Variants in PLCZ1 observed in about 807,000 individuals in gnomAD.
PLCZ1 encodes the protein 1-phosphatidylinositol 4,5-bisphosphate phosphodiesterase zeta-1.
PLCZ1 carries 64 observed loss-of-function variants against 76.8 expected under a neutral mutation model. The ratio of observed to expected loss-of-function variants is 0.83; its 90% CI spans 0.68 to 1.03. The LOEUF (loss-of-function observed/expected upper bound fraction) is 1.03. PLCZ1 is among the 50% of genes least tolerant of loss of function. The pLI is 0.00. For missense variants in PLCZ1, 751 were observed against 713.7 expected, an observed-to-expected ratio of 1.05 and a Z score of -0.60; for synonymous variants, 248 against 230.8, an observed-to-expected ratio of 1.07 and a Z score of -0.68.
chr12:18,650,347 ATG>A, the PLCZ1 span, among the ~76,000 whole-genome samples: 4,531 of 114,364 alleles, frequency 0.04, 112 homozygotes, highest in East Asian at 0.098. Context: ...ATATATATAT[ATG>A]TGTGTGTGTG....
chr12:18,665,719 G>A, the PLCZ1 span, among the ~76,000 whole-genome samples: 3 of 152,032 alleles, frequency 2.0e-5, no homozygotes, highest in Admixed American at 6.6e-5. Context: ...GGTGGATCAC[G>A]AGGTCAGGAG....
chr12:18,702,517 G>A (rs193089204), intron 7 of PLCZ1, among the ~76,000 whole-genome samples: 1 of 152,146 alleles, frequency 6.6e-6, no homozygotes, highest in African/African-American at 2.4e-5. Context: ...AGGGAGCTTT[G>A]ATTGTCCTTT....
intron 4 of PLCZ1, among the ~76,000 whole-genome samples, chr12:18,721,215 TA>T (rs1337356972): frequency 1.3e-5 from 2 of 152,140 alleles, no homozygotes; most frequent in Non-Finnish European, 2.9e-5. Context: ...TTTGTTCCCT[TA>T]AAAACTACCA....
chr12:18,728,671 CAG>C lies in PLCZ1; in HGVS notation c.136-5131_136-5130del, dbSNP rs140851477. Among the ~76,000 whole-genome samples the C allele has an allele frequency of 7.8e-3, 1,180 of 152,112 alleles. 16 individuals are homozygous for C. The highest frequency in any genetic ancestry group is 0.028 in the African/African-American group (1,142 of 41,490). On this transcript the variant is annotated intron_variant, in intron 3 of 14. Coordinates refer to ENST00000266505, the MANE Select transcript of PLCZ1 (RefSeq NM_033123.4). ...TATAAAAAGGGATAAGTGAAATGCACAGAGAGGCTAACCAGTGGATTTAGCAT... is the reference window on the plus strand; with the variant it reads ...TATAAAAAGGGATAAGTGAAATGCACAGAGGCTAACCAGTGGATTTAGCAT...
intron 3 of PLCZ1, among the ~76,000 whole-genome samples, chr12:18,723,773 G>C (rs1487156423): frequency 4.6e-5 from 7 of 152,046 alleles, no homozygotes; most frequent in Admixed American, 2.0e-4. Context: ...AAGGAATGTG[G>C]GAGAAAATGA....
chr12:18,650,724 A>ATATATC, the PLCZ1 span, among the ~76,000 whole-genome samples: 12 of 19,260 alleles, frequency 6.2e-4, 1 homozygote, highest in Middle Eastern at 0.019. Context: ...ATATATATAT[A>ATATATC]TATATATATA....
chr12:18,650,561 C>T, the PLCZ1 span, among the ~76,000 whole-genome samples: 1 of 148,626 alleles, frequency 6.7e-6, no homozygotes, highest in Non-Finnish European at 1.5e-5. Context: ...ACATGAAAGT[C>T]TATACATTTA....
intron 13 of PLCZ1, among the ~76,000 whole-genome samples, chr12:18,685,846 GCACA>G (rs3055342): frequency 0.017 from 1,818 of 109,272 alleles, 36 homozygotes; most frequent in African/African-American, 0.061. Context: ...ACACACACGC[GCACA>G]CACACACACA....
the PLCZ1 span, among the ~76,000 whole-genome samples, chr12:18,666,396 T>C: frequency 6.6e-6 from 1 of 152,068 alleles, no homozygotes; most frequent in Non-Finnish European, 1.5e-5. Flanking sequence ...GAAAAATACA[T>C]TTATGCAAAT....
downstream of PLCZ1, among the ~76,000 whole-genome samples, chr12:18,682,202 C>G (rs188457435): frequency 6.6e-6 from 1 of 151,994 alleles, no homozygotes; most frequent in Non-Finnish European, 1.5e-5. Flanking sequence ...CTCAGTGATA[C>G]GTTTATTTTA....
At chr12:18,721,862 T>A (rs1235992008) in intron 4 of PLCZ1, among the ~76,000 whole-genome samples, 2 of 151,822 alleles carry the variant, frequency 1.3e-5, no homozygotes, top group Admixed American at 1.3e-4. Context: ...CTCAACTCAA[T>A]GACACCACTA....
chr12:18,705,251 A>G lies in PLCZ1; in HGVS notation c.779T>C (p.Met260Thr). 6.2e-7 allele frequency: 1 copy of G among 1,614,048 alleles called. No individual in the cohort carries two copies. Among genetic ancestry groups the G allele is most frequent in the East Asian group, 2.2e-5 (1 of 44,838 alleles). Residue 260 changes from methionine (M) to threonine (T), a missense_variant, in exon 7 of 15, where the codon ATG becomes ACG. Physicochemically the swap from Met to Thr is moderately conservative, Grantham distance 81. Transcript: ENST00000266505. Reference protein sequence around the residue: ...NHCSTAQQEVMADNLQATFGE... With the variant: ...NHCSTAQQEVTADNLQATFGE... ...AAAAGTAGCCTGCAAATTGTCTGCC[A>G]TTACTTCTTGTTGGGCAGTGGAGCA...
intron 3 of PLCZ1, among the ~76,000 whole-genome samples, chr12:18,729,100 G>A (rs578177812): frequency 1.1e-4 from 17 of 151,876 alleles, no homozygotes; most frequent in Non-Finnish European, 2.5e-4. Flanking sequence ...AAATTTCAGT[G>A]AGTACCCCTT....
At chr12:18,718,530 T>C (rs1958227693) in intron 5 of PLCZ1, among the ~76,000 whole-genome samples, 1 of 152,178 alleles carries the variant, frequency 6.6e-6, no homozygotes, top group South Asian at 2.1e-4. Flanking sequence ...TAGCCACATT[T>C]GCCATTTTTC....
chr12:18,688,134 G>T lies in PLCZ1; in HGVS notation c.1546C>A (p.Pro516Thr). The T allele has an allele frequency of 6.2e-7, 1 of 1,611,180 alleles. No individual in the cohort carries two copies. The highest frequency in any genetic ancestry group is 1.1e-5 in the South Asian group (1 of 91,010). ...GTCTGCTGCTTCATTTGATCATTTG[G>T]AACACCAAAAACTTCTATAATTACT... ...SLVIIEVFGV[P>T]NDQMKQQTRV... is the part of the protein sequence containing the mutation. The change falls in exon 13 of 15, where the codon CCA becomes ACA. Residue 516 changes from proline to threonine, a missense_variant. Pro to Thr is a conservative substitution (Grantham distance 38). Coordinates refer to ENST00000266505, the MANE Select transcript of PLCZ1 (RefSeq NM_033123.4).
chr12:18,656,216 C>A, the PLCZ1 span, among the ~76,000 whole-genome samples: 3 of 152,070 alleles, frequency 2.0e-5, no homozygotes, highest in African/African-American at 7.2e-5. Context: ...ATCATTTGAG[C>A]TCAGGAGTTT....
the PLCZ1 span, among the ~76,000 whole-genome samples, chr12:18,649,409 T>C: frequency 6.6e-6 from 1 of 152,148 alleles, no homozygotes; most frequent in Non-Finnish European, 1.5e-5. Flanking sequence ...AACATTGCTA[T>C]TGAAATCCTC....
At chr12:18,677,780 G>A in the PLCZ1 span, among the ~76,000 whole-genome samples, 5 of 151,988 alleles carry the variant, frequency 3.3e-5, no homozygotes, top group Admixed American at 1.3e-4. Flanking sequence ...AATTATTTGT[G>A]TTTTCTAAAC....
At chr12:18,651,279 C>T in the PLCZ1 span, among the ~76,000 whole-genome samples, 1 of 152,166 alleles carries the variant, frequency 6.6e-6, no homozygotes, top group Admixed American at 6.6e-5. Flanking sequence ...TCTCTCAAAT[C>T]CTGCTCAGAT....
Sources: gnomAD v4.1 joint callset for allele counts (sites outside exome capture counted in the v4.1 genomes callset) on GRCh38, gnomAD v4.1.1 for gene constraint, MANE v1.5 for transcripts, NCBI Gene and HGNC (gene_info 2026-07-23, HGNC 2026-07-21) for gene names.